OBSL1: variants seen among roughly 807,000 people sequenced by gnomAD.
OBSL1 encodes obscurin-like protein 1.
A neutral mutation model predicts 172.0 loss-of-function variants in OBSL1; 160 were observed. That is an observed-to-expected ratio of 0.93 (90% CI 0.82 to 1.06). OBSL1 has a LOEUF of 1.06. Among genes scored for constraint, OBSL1 ranks in the 50% least tolerant of loss-of-function variants. The probability of loss-of-function intolerance (pLI) is 0.00; values close to 1 mark genes in which losing one functional copy is unlikely to be tolerated. For missense variants in OBSL1, 2,681 were observed against 2,715.4 expected (o/e 0.99, Z 0.28); for synonymous variants, 1,200 against 1,196.3 (o/e 1.00, Z -0.06).
downstream of OBSL1, chr2:219,549,951 TC>T: frequency 2.0e-6 from 3 of 1,507,968 alleles, no homozygotes; most frequent in South Asian, 1.2e-5. Context: ...GCTGTCCCTC[TC>T]CCCAGCCTGG....
chr2:219,563,228 G>T, intron 7 of OBSL1, 127 bp downstream of exon 7: 1 of 935,392 alleles, frequency 1.1e-6, no homozygotes, highest in Non-Finnish European at 1.6e-6. Context: ...AAGGGAGGAG[G>T]TCCGATCTGC....
At chr2:219,550,920 C>A (rs1695569660) in intron 20 of OBSL1, 78 bp from the exon 21 acceptor site, 1 of 1,575,042 alleles carries the variant, frequency 6.3e-7, no homozygotes, top group Admixed American at 1.9e-5. Flanking sequence ...AGCCTGGACA[C>A]CAGTACACAA....
intron 6 of OBSL1, 147 bp from the exon 7 acceptor site, chr2:219,563,774 A>G (rs1696673790): frequency 2.3e-6 from 2 of 876,942 alleles, no homozygotes; most frequent in East Asian, 5.0e-5. Context: ...GGACAATGAC[A>G]AGGAATGCTG....
In OBSL1 at chr2:219,558,018, G is replaced by A. The variant is rs143517287; in HGVS notation, c.3595C>T (p.Arg1199Trp). The change falls in exon 11 of 21, where the codon CGG becomes TGG. Residue 1199 changes from arginine (R) to tryptophan (W), a missense_variant. This residue lies in a region of OBSL1 where 1,765 missense variants were observed against 1,748.3 expected (regional missense o/e 1.01). Coordinates refer to ENST00000404537, the MANE Select transcript of OBSL1 (RefSeq NM_015311.3). ...CTCCAGACCACGGGGGCGCCAGCCC[G>A]GGACAGTTCACAGCTCAGCACCACT... ...EPVVLSCELSRAGAPVVWSHN... is the reference protein window; with the variant it reads ...EPVVLSCELSWAGAPVVWSHN... 7.1e-4 allele frequency: 1,139 copies of A among 1,613,010 alleles called. 4 individuals are homozygous for A. The African/African-American group carries it at 8.7e-3, about 12-fold the overall frequency.
At position 219,556,534 on chromosome 2, in the gene OBSL1, CG is replaced by C. The variant is rs1559137884; in HGVS notation, c.4255del (p.Arg1419GlufsTer11). 6.2e-7 allele frequency: 1 copy of C among 1,613,972 alleles called. No homozygotes were observed. Among genetic ancestry groups the C allele is most frequent in the Admixed American group, 1.7e-5 (1 of 60,030 alleles). ...CCCTGCATCCCCCAGTTGGCAGCCT[CG>C]CAAGGTTAAGATGCGGCTTGAACCA... ...QNGSSRILTL[R>X]GCQLGDAGTV... On this transcript the variant is annotated frameshift_variant, in exon 13 of 21. Coordinates refer to ENST00000404537, the MANE Select transcript of OBSL1 (RefSeq NM_015311.3). LOFTEE classifies it high-confidence loss of function.
At chr2:219,547,956 G>A (rs1209525234), downstream of OBSL1, 26 of 1,590,450 alleles carry the variant, frequency 1.6e-5, no homozygotes, top group Non-Finnish European at 2.1e-5. Flanking sequence ...GAGCGACTCC[G>A]GGCTGCTCCT....
chr2:219,571,047 C>T lies in OBSL1; in HGVS notation c.186G>A (p.Ala62=). ...LAASERLSFP[A]DGAEHGLLLT... is the part of the protein sequence containing the mutation. ...GCAGCAGGCCGTGCTCCGCGCCGTC[C>T]GCCGGGAAGCTCAGGCGTTCCGAGG... The change falls in exon 1 of 21, where the codon GCG becomes GCA. Residue 62 remains alanine (A), a synonymous_variant. Coordinates refer to ENST00000404537, the MANE Select transcript of OBSL1 (RefSeq NM_015311.3). The T allele has an allele frequency of 6.9e-7, 1 of 1,459,250 alleles. No individual in the cohort carries two copies. 90.4% of individuals were successfully genotyped at this position (1,459,250 alleles called of 1,614,324 possible). A position where few individuals can be genotyped will look rare whatever the true frequency, so the allele number is the denominator to read the frequency against.
At chr2:219,564,828 C>A (rs1222488574) in intron 6 of OBSL1, among the ~76,000 whole-genome samples, 1 of 152,196 alleles carries the variant, frequency 6.6e-6, no homozygotes, top group Non-Finnish European at 1.5e-5. Flanking sequence ...ATAATCCCAG[C>A]ATTTTAGAAG....
In OBSL1 at chr2:219,552,859, C is replaced by T. The variant is rs1174009702; in HGVS notation, c.5146+9G>A. ...GCAGTGCCCAGCCTCCACATCACCC[C>T]GTACCCACCGCGCACGGTCAGGCGG... On this transcript the variant is annotated intron_variant, in intron 17 of 20. Transcript: ENST00000404537. 5.2e-6 allele frequency: 8 copies of T among 1,543,330 alleles called. No individual in the cohort carries two copies. Among genetic ancestry groups the T allele is most frequent in the Non-Finnish European group, 6.1e-6 (7 of 1,145,486 alleles).
At chr2:219,564,124 C>T (rs1417081951) in intron 6 of OBSL1, among the ~76,000 whole-genome samples, 1 of 152,216 alleles carries the variant, frequency 6.6e-6, no homozygotes, top group Non-Finnish European at 1.5e-5. Context: ...ACAGGACTCC[C>T]ACTCAGTGAG....
intron 8 of OBSL1, chr2:219,561,843 T>G (rs1574552926): frequency 1.4e-6 from 1 of 715,262 alleles, no homozygotes; most frequent in Non-Finnish European, 2.6e-6. Context: ...GGCAGGGAGG[T>G]GGGACAGAGG....
chr2:219,559,496 T>G lies in OBSL1; in HGVS notation c.2955A>C (p.Glu985Asp), dbSNP rs1696304483. Reference sequence around the variant, plus strand: ...GAGGGTATATGATCCGCACTGGGGGTTCTGCAGGGTGGGGACAACCACAGC... The same window carrying G: ...GAGGGTATATGATCCGCACTGGGGGGTCTGCAGGGTGGGGACAACCACAGC... ...ESASFTVTVT[E>D]PPVRIIYPRD... is the part of the protein sequence containing the mutation. Residue 985 changes from glutamate to aspartate, a missense_variant and splice_region_variant, in exon 9 of 21, where the codon GAA becomes GAC. Glu to Asp is a conservative substitution (Grantham distance 45). Around this residue, in one of 5 missense-constraint regions of OBSL1, gnomAD observed 1,765 missense variants for 1,748.3 expected, o/e 1.01. Transcript: ENST00000404537. 6.2e-7 allele frequency: 1 copy of G among 1,604,530 alleles called. No homozygotes were observed.
Position 219,567,005 on chromosome 2 carries a change from C to A in OBSL1, c.1959G>T (p.Glu653Asp), listed in dbSNP as rs1400857887. Residue 653 changes from glutamate (E) to aspartate (D), a missense_variant, in exon 5 of 21, where the codon GAG (glutamate) becomes GAT (aspartate). Glu to Asp is a conservative substitution (Grantham distance 45). Coordinates refer to ENST00000404537, the MANE Select transcript of OBSL1 (RefSeq NM_015311.3). ...IQGTWFLNGEELKSNEPEGQV... is the reference protein window; with the variant it reads ...IQGTWFLNGEDLKSNEPEGQV... ...GGCCCTCCGGCTCGTTACTCTTGAG[C>A]TCTTCCCCATTAAGGAACCAGGTAC... 6.2e-7 allele frequency: 1 copy of A among 1,613,752 alleles called. No homozygotes were observed. Among genetic ancestry groups the A allele is most frequent in the East Asian group, 2.2e-5 (1 of 44,878 alleles).
In OBSL1 at chr2:219,570,863, CG is replaced by C; in HGVS notation, c.369del (p.Glu125ArgfsTer23). The C allele has an allele frequency of 7.1e-7, 1 of 1,404,388 alleles. No homozygotes were observed. Among genetic ancestry groups the C allele is most frequent in the Non-Finnish European group, 9.3e-7 (1 of 1,080,420 alleles). The allele number at this position is 1,404,388 out of a possible 1,614,324, so 87.0% of individuals were successfully genotyped here. A position where few individuals can be genotyped will look rare whatever the true frequency, so the allele number is the denominator to read the frequency against. On this transcript the variant is annotated frameshift_variant, in exon 1 of 21. Transcript: ENST00000404537. LOFTEE classifies it high-confidence loss of function. ...PAERPLPSPGSGEGAPVFLTG... is the reference protein window; with the variant it reads ...PAERPLPSPGXGEGAPVFLTG... ...GTGAGGAAGACCGGGGCGCCCTCCCCGGACCCCGGCGATGGCAGCGGGCGCT... is the reference window on the plus strand; with the variant it reads ...GTGAGGAAGACCGGGGCGCCCTCCCCGACCCCGGCGATGGCAGCGGGCGCT...
chr2:219,549,338 G>A (rs762313909), downstream of OBSL1: 1 of 1,613,128 alleles, frequency 6.2e-7, no homozygotes, highest in Non-Finnish European at 8.5e-7. Flanking sequence ...CGCTTCAATG[G>A]AGACGTCCTC....
chr2:219,556,339 G>T (rs746926444), intron 13 of OBSL1, 47 bp from the exon 14 acceptor site: 2 of 1,569,194 alleles, frequency 1.3e-6, no homozygotes, highest in Non-Finnish European at 8.7e-7. Context: ...GTTGGAGGCT[G>T]GCCCCTTGCT....
chr2:219,548,949 A>C (rs978633394), downstream of OBSL1: 14 of 597,478 alleles, frequency 2.3e-5, no homozygotes, highest in Middle Eastern at 2.7e-4. Context: ...CCTTCCATAA[A>C]GACCTATGGA....
In OBSL1 at chr2:219,559,365, A is replaced by G; in HGVS notation, c.3086T>C (p.Val1029Ala). 6.2e-7 allele frequency: 1 copy of G among 1,613,902 alleles called. No individual in the cohort carries two copies. Among genetic ancestry groups the G allele is most frequent in the Non-Finnish European group, 8.5e-7 (1 of 1,179,852 alleles). ...CAGCACCAGGGCCTCGCTCTCCTCC[A>G]CTTCCAGCCCATCCTTGTACCAGCG... ...PVRWYKDGLE[V>A]EESEALVLER... The change falls in exon 9 of 21, where the codon GTG becomes GCG. Residue 1029 changes from valine to alanine, a missense_variant. Val to Ala is a moderately conservative substitution (Grantham distance 64). Around this residue, in one of 5 missense-constraint regions of OBSL1, gnomAD observed 1,765 missense variants for 1,748.3 expected, o/e 1.01. Coordinates refer to ENST00000404537, the MANE Select transcript of OBSL1 (RefSeq NM_015311.3).
At chr2:219,548,164 G>C (rs753674438), downstream of OBSL1, 312 of 1,281,868 alleles carry the variant, frequency 2.4e-4, no homozygotes, top group Non-Finnish European at 3.1e-4. Context: ...GGGAGTGGGG[G>C]ACAGCAGCAG....
Sources: gnomAD v4.1 joint callset for allele counts (sites outside exome capture counted in the v4.1 genomes callset) on GRCh38, gnomAD v4.1.1 for gene constraint, gnomAD v4.1.1 regional missense constraint, MANE v1.5 for transcripts, NCBI Gene and HGNC (gene_info 2026-07-23, HGNC 2026-07-21) for gene names.